KATNAL1: variants seen among roughly 807,000 people sequenced by gnomAD.
KATNAL1 encodes the protein katanin p60 ATPase-containing subunit A-like 1.
Under a neutral mutation model 55.2 loss-of-function variants are expected in KATNAL1, and 32 were observed. That is an observed-to-expected ratio of 0.58 (90% confidence interval 0.44 to 0.78). The LOEUF (loss-of-function observed/expected upper bound fraction) is 0.78, where lower values mean the gene tolerates loss of function less well. Among genes scored for constraint, KATNAL1 ranks in the 30% least tolerant of loss-of-function variants. KATNAL1 has a pLI of 0.00. For missense variants in KATNAL1, 466 were observed against 600.9 expected (o/e 0.78, Z 2.35); for synonymous variants, 193 against 193.6 (o/e 1.00, Z 0.02).
chr13:30,303,837 T>C (rs1883013987), intron 1 of KATNAL1, among the ~76,000 whole-genome samples: 1 of 152,238 alleles, frequency 6.6e-6, no homozygotes, highest in Non-Finnish European at 1.5e-5. Context: ...AAAAAATTGA[T>C]TAGTCCTCAG....
In KATNAL1 at chr13:30,255,544, G is replaced by T; in HGVS notation, c.395C>A (p.Ala132Asp). 1 of 1,591,544 alleles carries T rather than the reference G, an allele frequency of 6.3e-7. No individual in the cohort carries two copies. Residue 132 changes from alanine (A) to aspartate (D), a missense_variant, in exon 4 of 11, where the codon GCC becomes GAC. Ala to Asp is a moderately radical substitution (Grantham distance 126). This residue lies in a region of KATNAL1 where 248 missense variants were observed against 275.5 expected (regional missense o/e 0.90). Transcript: ENST00000380615. Reference protein sequence around the residue: ...PLRKEMAGVGARGPVGRAHPI... With the variant: ...PLRKEMAGVGDRGPVGRAHPI... ...ATGTGCTCGGCCTACAGGTCCCCGG[G>T]CTCCTACTCCTGCCATTTCTTTCCT...
At chr13:30,272,550 G>A (rs968841109) in intron 3 of KATNAL1, among the ~76,000 whole-genome samples, 6 of 152,216 alleles carry the variant, frequency 3.9e-5, no homozygotes, top group African/African-American at 1.2e-4. Context: ...AAAGTAACGT[G>A]TTATGGCTTC....
chr13:30,216,437 T>C (rs1275278681), intron 9 of KATNAL1, among the ~76,000 whole-genome samples: 1 of 152,108 alleles, frequency 6.6e-6, no homozygotes, highest in African/African-American at 2.4e-5. Flanking sequence ...TGTTTCTGTA[T>C]TGAGTTATGT....
Position 30,208,348 on chromosome 13 carries a change from G to A in KATNAL1, c.*192C>T, listed in dbSNP as rs1026337230. 5.6e-6 allele frequency: 3 copies of A among 532,500 alleles called. No individual in the cohort carries two copies. The highest frequency in any genetic ancestry group is 6.3e-5 in the East Asian group (2 of 31,956). 33.0% of individuals were successfully genotyped at this position (532,500 alleles called of 1,614,324 possible). On this transcript the variant is annotated 3_prime_UTR_variant, in exon 11 of 11. Transcript: ENST00000380615. ...TGGAATACCAGCACAAAGCCGGGGAGGGAGACTAGCAAACTCTCGCCATCA... is the reference window on the plus strand; with the variant it reads ...TGGAATACCAGCACAAAGCCGGGGAAGGAGACTAGCAAACTCTCGCCATCA...
At position 30,205,909 on chromosome 13, in the gene KATNAL1, C is replaced by G. The variant is rs369092062; in HGVS notation, c.*2631G>C. 1 of 146,630 alleles carries G rather than the reference C, an allele frequency of 6.8e-6. No homozygotes were observed. Among genetic ancestry groups the G allele is most frequent in the African/African-American group, 2.7e-5 (1 of 37,254 alleles). 9.1% of individuals were successfully genotyped at this position (146,630 alleles called of 1,614,324 possible). A position where few individuals can be genotyped will look rare whatever the true frequency, so the allele number is the denominator to read the frequency against. The stretch of plus-strand genomic sequence containing the variant: ...AGCACTCATTCTGGGTAAGGCAACA[C>G]ACTGTCTTCTGAAATAGTGTGTGTG... On this transcript the variant is annotated 3_prime_UTR_variant, in exon 11 of 11. Coordinates refer to ENST00000380615, the MANE Select transcript of KATNAL1 (RefSeq NM_032116.5).
chr13:30,268,376 A>T (rs558508766), intron 3 of KATNAL1, among the ~76,000 whole-genome samples: 1 of 152,338 alleles, frequency 6.6e-6, no homozygotes, highest in African/African-American at 2.4e-5. Flanking sequence ...ACTACAAAAT[A>T]AATATGTTTA....
At chr13:30,245,264 A>T (rs984279442) in intron 4 of KATNAL1, among the ~76,000 whole-genome samples, 3 of 152,182 alleles carry the variant, frequency 2.0e-5, no homozygotes, top group African/African-American at 7.2e-5. Context: ...GCAAATCAAA[A>T]ATGTAATCCA....
At chr13:30,280,372 C>T (rs1881190878) in intron 2 of KATNAL1, 149 bp from the exon 3 acceptor site, 1 of 563,278 alleles carries the variant, frequency 1.8e-6, no homozygotes, top group Non-Finnish European at 2.8e-6. Flanking sequence ...AGAACTATTT[C>T]AAGTAATACT....
In KATNAL1 at chr13:30,307,394, G is replaced by GGCCGCC. The variant is rs531775135; in HGVS notation, c.-84_-79dup. The GGCCGCC allele has an allele frequency of 7.2e-4, 111 of 154,892 alleles. No homozygotes were observed. The highest frequency in any genetic ancestry group is 2.1e-3 in the East Asian group (11 of 5,220). 9.6% of individuals were successfully genotyped at this position (154,892 alleles called of 1,614,324 possible). A position where few individuals can be genotyped will look rare whatever the true frequency, so the allele number is the denominator to read the frequency against. On this transcript the variant is annotated 5_prime_UTR_variant, in exon 1 of 11. Transcript: ENST00000380615. Reference sequence around the variant, plus strand: ...CCAGATGGGGTGCGGGTGGGGCGCAGGCCGCCGCCGCCGCCGCCGCCGAGT... The same window carrying GGCCGCC: ...CCAGATGGGGTGCGGGTGGGGCGCAGGCCGCCGCCGCCGCCGCCGCCGCCGCCGAGT...
chr13:30,228,471 TAATC>T (rs756574454), intron 8 of KATNAL1, among the ~76,000 whole-genome samples: 2 of 152,212 alleles, frequency 1.3e-5, no homozygotes, highest in Non-Finnish European at 2.9e-5. Flanking sequence ...GTCCAACTAA[TAATC>T]AACAATAGTC....
chr13:30,227,607 A>AATTAAC, intron 8 of KATNAL1, 61 bp from the exon 9 acceptor site: 1 of 1,555,468 alleles, frequency 6.4e-7, no homozygotes, highest in Non-Finnish European at 8.8e-7. Context: ...TCTTTCATTC[A>AATTAAC]ATTAACATTT....
intron 9 of KATNAL1, among the ~76,000 whole-genome samples, chr13:30,213,451 C>T (rs1269388748): frequency 6.6e-6 from 1 of 151,654 alleles, no homozygotes; most frequent in Non-Finnish European, 1.5e-5. Context: ...GATACCAAAG[C>T]CGGGCAGAGA....
intron 9 of KATNAL1, among the ~76,000 whole-genome samples, chr13:30,224,852 C>T (rs1875283346): frequency 6.6e-6 from 1 of 151,478 alleles, no homozygotes; most frequent in Non-Finnish European, 1.5e-5. Context: ...TTGTATTATG[C>T]CAACTTAAGT....
chr13:30,224,902 T>C (rs764727735), intron 9 of KATNAL1, among the ~76,000 whole-genome samples: 29 of 152,200 alleles, frequency 1.9e-4, no homozygotes, highest in Non-Finnish European at 4.0e-4. Flanking sequence ...CTTTATTGCA[T>C]AGCTCTGGGT....
At chr13:30,295,825 T>C (rs1882446614) in intron 1 of KATNAL1, among the ~76,000 whole-genome samples, 1 of 152,222 alleles carries the variant, frequency 6.6e-6, no homozygotes, top group African/African-American at 2.4e-5. Context: ...GGTAAAATGC[T>C]ATCAAACAGT....
Position 30,269,315 on chromosome 13 carries a change from C to T in KATNAL1, c.323+10748G>A, listed in dbSNP as rs549900019. Among the ~76,000 whole-genome samples, 1,300 of 152,340 alleles carry T rather than the reference C, an allele frequency of 8.5e-3. 19 individuals carry two copies. Among genetic ancestry groups the T allele is most frequent in the African/African-American group, 0.029 (1,213 of 41,582 alleles). ...GCCGGGCTGGTCTCCAGCTCCTAAC[C>T]GCGAGTGATCCACCAGCCTCGGCCT... On this transcript the variant is annotated intron_variant, in intron 3 of 10. Coordinates refer to ENST00000380615, the MANE Select transcript of KATNAL1 (RefSeq NM_032116.5).
intron 9 of KATNAL1, among the ~76,000 whole-genome samples, chr13:30,218,655 C>T (rs1874552329): frequency 6.6e-6 from 1 of 152,124 alleles, no homozygotes; most frequent in Admixed American, 6.5e-5. Flanking sequence ...AAGGGTAATT[C>T]ATAAAATTCG....
At chr13:30,232,254 T>C (rs981065971) in intron 6 of KATNAL1, among the ~76,000 whole-genome samples, 4 of 152,220 alleles carry the variant, frequency 2.6e-5, no homozygotes, top group Non-Finnish European at 5.9e-5. Context: ...TTTAAATACA[T>C]AGCTCACACT....
At chr13:30,268,460 C>A (rs1879954564) in intron 3 of KATNAL1, among the ~76,000 whole-genome samples, 1 of 152,088 alleles carries the variant, frequency 6.6e-6, no homozygotes, top group African/African-American at 2.4e-5. Context: ...AAAAATAAAT[C>A]TACATTTAAA....
Sources: gnomAD v4.1 joint callset for allele counts (sites outside exome capture counted in the v4.1 genomes callset) on GRCh38, gnomAD v4.1.1 for gene constraint, gnomAD v4.1.1 regional missense constraint, MANE v1.5 for transcripts, NCBI Gene and HGNC (gene_info 2026-07-23, HGNC 2026-07-21) for gene names.